CACNB2: variants seen among roughly 807,000 people sequenced by gnomAD.
CACNB2 encodes voltage-dependent L-type calcium channel subunit beta-2.
Under a neutral mutation model 73.3 loss-of-function variants are expected in CACNB2, and 42 were observed. That is an observed-to-expected ratio of 0.57 (90% CI 0.45 to 0.74). The LOEUF (loss-of-function observed/expected upper bound fraction) is 0.74. Among genes scored for constraint, CACNB2 ranks in the 30% least tolerant of loss-of-function variants. The pLI is 0.00. For missense variants in CACNB2, 940 were observed against 853.0 expected (o/e 1.10, Z -1.27); for synonymous variants, 348 against 310.3 (o/e 1.12, Z -1.28).
intron 10 of CACNB2, among the ~76,000 whole-genome samples, chr10:18,532,698 A>G (rs10717445): frequency 9.2e-5 from 5 of 54,510 alleles, no homozygotes; most frequent in African/African-American, 4.1e-4. Flanking sequence ...AAAAAAAAAC[A>G]AAACAAAAAA....
intron 2 of CACNB2, among the ~76,000 whole-genome samples, chr10:18,314,409 A>C (rs139117054): frequency 6.6e-6 from 1 of 152,302 alleles, no homozygotes; most frequent in African/African-American, 2.4e-5. Flanking sequence ...TGATTGGGCT[A>C]TCTGAGACTG....
At position 18,185,680 on chromosome 10, in the gene CACNB2, T is replaced by C. The variant is rs553749046; in HGVS notation, c.213+34705T>C. ...ACCTTGACAAAAGGTTGGCAACTGA[T>C]GGCAGAGATGATCAGAAAGTAGAAA... On this transcript the variant is annotated intron_variant, in intron 2 of 13. Coordinates refer to ENST00000324631, the MANE Select transcript of CACNB2 (RefSeq NM_201596.3). 2.0e-5 allele frequency among the ~76,000 whole-genome samples: 3 copies of C among 152,350 alleles called. 1 individual carries two copies. In the East Asian group the frequency reaches 5.8e-4, roughly 29 times the overall value.
intron 3 of CACNB2, among the ~76,000 whole-genome samples, chr10:18,440,440 C>T (rs960425305): frequency 7.2e-5 from 11 of 151,960 alleles, no homozygotes; most frequent in Admixed American, 2.6e-4. Context: ...GTGTCTGAGG[C>T]GGGAGGATTG....
At chr10:18,259,730 C>CAAA (rs1491201687) in intron 2 of CACNB2, among the ~76,000 whole-genome samples, 6 of 112,552 alleles carry the variant, frequency 5.3e-5, no homozygotes, top group Non-Finnish European at 8.9e-5. Flanking sequence ...GACTCTGTCT[C>CAAA]AGAAAAAAAA....
intron 3 of CACNB2, among the ~76,000 whole-genome samples, chr10:18,448,941 G>C (rs16917369): frequency 0.028 from 4,337 of 152,322 alleles, 80 homozygotes; most frequent in East Asian, 0.099. Context: ...AGTGAAGATG[G>C]ACAGGTAGAG....
intron 6 of CACNB2, among the ~76,000 whole-genome samples, chr10:18,510,301 C>T (rs2050697093): frequency 1.3e-5 from 2 of 152,028 alleles, no homozygotes; most frequent in Admixed American, 1.3e-4. Context: ...TATACGTTTC[C>T]ACTCTTTCTT....
At chr10:18,447,275 T>C (rs1180219236) in intron 3 of CACNB2, among the ~76,000 whole-genome samples, 2 of 152,162 alleles carry the variant, frequency 1.3e-5, no homozygotes, top group African/African-American at 2.4e-5. Flanking sequence ...TGAGGCACCA[T>C]AGACCGTGTA....
rs777636450 is a variant in CACNB2, at chr10:18,538,411, A to G, written c.1488+46A>G. The G allele has an allele frequency of 4.5e-6, 7 of 1,571,288 alleles. No homozygotes were observed. The Middle Eastern group carries it at 5.4e-4, about 120-fold the overall frequency. ...TATCTATATATACAATCTTCATAGAAAAAAGGTTGCCTATGGTGACACCTC... is the reference window on the plus strand; with the variant it reads ...TATCTATATATACAATCTTCATAGAGAAAAGGTTGCCTATGGTGACACCTC... On this transcript the variant is annotated intron_variant, in intron 13 of 13. Coordinates refer to ENST00000324631, the MANE Select transcript of CACNB2 (RefSeq NM_201596.3).
At chr10:18,301,763 C>T (rs574404100) in intron 2 of CACNB2, among the ~76,000 whole-genome samples, 2 of 151,936 alleles carry the variant, frequency 1.3e-5, no homozygotes, top group East Asian at 2.0e-4. Context: ...ATTCTCCTGC[C>T]TCAGCCTCCC....
intron 3 of CACNB2, among the ~76,000 whole-genome samples, chr10:18,491,101 C>A (rs1589524864): frequency 1.3e-5 from 2 of 152,152 alleles, no homozygotes; most frequent in African/African-American, 4.8e-5. Context: ...TCTTTTTGTT[C>A]TTGCTTCTTG....
intron 6 of CACNB2, among the ~76,000 whole-genome samples, chr10:18,510,747 A>G (rs1564633086): frequency 6.6e-6 from 1 of 152,210 alleles, no homozygotes; most frequent in Non-Finnish European, 1.5e-5. Flanking sequence ...TCATTTTAGG[A>G]GAGCCCTCAA....
At chr10:18,497,562 G>T (rs1441239444) in intron 3 of CACNB2, among the ~76,000 whole-genome samples, 1 of 152,030 alleles carries the variant, frequency 6.6e-6, no homozygotes, top group Non-Finnish European at 1.5e-5. Flanking sequence ...TGGGAGTATA[G>T]GTGCCTGCCA....
chr10:18,223,416 TGAAAGC>T (rs2035869230), intron 2 of CACNB2, among the ~76,000 whole-genome samples: 1 of 152,220 alleles, frequency 6.6e-6, no homozygotes, highest in Admixed American at 6.5e-5. Flanking sequence ...TTAATTTTTG[TGAAAGC>T]AAAAGAGTAT....
At chr10:18,258,450 G>A (rs977204095) in intron 2 of CACNB2, among the ~76,000 whole-genome samples, 13 of 152,156 alleles carry the variant, frequency 8.5e-5, no homozygotes, top group East Asian at 3.9e-4. Flanking sequence ...ACTTGAGGCC[G>A]GGCACGGTGG....
intron 2 of CACNB2, among the ~76,000 whole-genome samples, chr10:18,310,682 C>A (rs1380131443): frequency 6.8e-6 from 1 of 146,610 alleles, no homozygotes; most frequent in Non-Finnish European, 1.5e-5. Context: ...TGGGTTCGAG[C>A]AATTCTCCTG....
chr10:18,428,341 G>A (rs2132795817), intron 3 of CACNB2, among the ~76,000 whole-genome samples: 1 of 151,978 alleles, frequency 6.6e-6, no homozygotes, highest in Non-Finnish European at 1.5e-5. Context: ...TGTCCTTTTT[G>A]CATGCTGCAG....
chr10:18,202,315 T>G (rs926043659), intron 2 of CACNB2, among the ~76,000 whole-genome samples: 4 of 152,174 alleles, frequency 2.6e-5, no homozygotes, highest in African/African-American at 9.7e-5. Context: ...ATGATGAGGA[T>G]CCTCGGTTAC....
At chr10:18,231,348 T>C (rs1419121080) in intron 2 of CACNB2, among the ~76,000 whole-genome samples, 1 of 151,996 alleles carries the variant, frequency 6.6e-6, no homozygotes, top group African/African-American at 2.4e-5. Flanking sequence ...AGCTAAACTT[T>C]TTGTATTTTT....
Position 18,541,369 on chromosome 10 carries a change from T to C in CACNB2, c.*1645T>C, listed in dbSNP as rs925641299. The C allele has an allele frequency of 6.6e-6, 1 of 152,594 alleles. No homozygotes were observed. The highest frequency in any genetic ancestry group is 6.5e-5 in the Admixed American group (1 of 15,274). The allele number at this position is 152,594 out of a possible 1,614,324, so 9.5% of individuals were successfully genotyped here. On this transcript the variant is annotated 3_prime_UTR_variant, in exon 14 of 14. Transcript: ENST00000324631. ...TGAAGACATTATCTCCATGCCTCAATTACACTGCTGTAAGAAGCTTACAAT... is the reference window on the plus strand; with the variant it reads ...TGAAGACATTATCTCCATGCCTCAACTACACTGCTGTAAGAAGCTTACAAT...
Sources: gnomAD v4.1 joint callset for allele counts (sites outside exome capture counted in the v4.1 genomes callset) on GRCh38, gnomAD v4.1.1 for gene constraint, MANE v1.5 for transcripts, NCBI Gene and HGNC (gene_info 2026-07-23, HGNC 2026-07-21) for gene names.